ERCC1: variants seen among roughly 807,000 people sequenced by gnomAD.
ERCC1 encodes the protein ERCC excision repair 1, endonuclease non-catalytic subunit.
In ERCC1, 36 loss-of-function variants were observed where a neutral mutation model predicts 37.6. That is an observed-to-expected ratio of 0.96 (90% CI 0.73 to 1.26). ERCC1 has a LOEUF of 1.26. ERCC1 is among the 50% of genes most tolerant of loss of function. The pLI is 0.00. For synonymous variants in ERCC1, 156 were observed against 162.1 expected, an observed-to-expected ratio of 0.96 and a Z score of 0.28; for missense variants, 349 against 376.5, an observed-to-expected ratio of 0.93 and a Z score of 0.60.
chr19:45,432,996 C>A (rs1399786858), intron 1 of ERCC1, among the ~76,000 whole-genome samples: 1 of 152,250 alleles, frequency 6.6e-6, no homozygotes, highest in Non-Finnish European at 1.5e-5. Flanking sequence ...AGGAGAATCG[C>A]TTGAACCTGG....
At chr19:45,443,345 TGAATC>T (rs1173583049) in intron 1 of ERCC1, among the ~76,000 whole-genome samples, 1 of 152,154 alleles carries the variant, frequency 6.6e-6, no homozygotes, top group Non-Finnish European at 1.5e-5. Context: ...ACTGAATGAA[TGAATC>T]GAATGAAAAG....
At chr19:45,413,016 C>T (rs1416308688) in intron 9 of ERCC1, among the ~76,000 whole-genome samples, 2 of 152,152 alleles carry the variant, frequency 1.3e-5, no homozygotes, top group East Asian at 1.9e-4. Context: ...GCTGGGATTA[C>T]AGGCCCAAGC....
At chr19:45,439,625 A>G (rs527276359) in intron 1 of ERCC1, among the ~76,000 whole-genome samples, 1 of 152,250 alleles carries the variant, frequency 6.6e-6, no homozygotes, top group East Asian at 1.9e-4. Flanking sequence ...TGCGGGGGCC[A>G]CCAGGGGGCG....
chr19:45,433,369 T>TACACGCAC (rs1568596534), intron 1 of ERCC1, among the ~76,000 whole-genome samples: 1 of 151,438 alleles, frequency 6.6e-6, no homozygotes, highest in Admixed American at 6.6e-5. Context: ...CTACTAAAAA[T>TACACGCAC]ACAAAAATTA....
chr19:45,447,400 T>C (rs1966981674), intron 1 of ERCC1, among the ~76,000 whole-genome samples: 1 of 150,368 alleles, frequency 6.7e-6, no homozygotes, highest in Non-Finnish European at 1.5e-5. Flanking sequence ...CTCAGCCTCC[T>C]GAGTAGCTGG....
rs766585705 is a variant in ERCC1 at position 45,409,503 on chromosome 19, C to T, written c.*172G>A. 6.2e-7 allele frequency: 1 copy of T among 1,602,498 alleles called. No individual in the cohort carries two copies. The highest frequency in any genetic ancestry group is 1.7e-5 in the Admixed American group (1 of 57,540). On this transcript the variant is annotated 3_prime_UTR_variant, in exon 10 of 10. Coordinates refer to ENST00000300853, the MANE Select transcript of ERCC1 (RefSeq NM_001983.4). Reference sequence around the variant, plus strand: ...CAGCAGCAGCAGCAGCCTGTGTAGTCTGCCCCCGGGAAACTGAGGAACTAA... The same window carrying T: ...CAGCAGCAGCAGCAGCCTGTGTAGTTTGCCCCCGGGAAACTGAGGAACTAA...
At chr19:45,419,064 C>T (rs1219022367) in intron 5 of ERCC1, 34 bp downstream of exon 5, 4 of 1,438,430 alleles carry the variant, frequency 2.8e-6, no homozygotes, top group African/African-American at 1.4e-5. Context: ...CCTCAAAGCC[C>T]GGTGAGGCTG....
chr19:45,439,740 C>G (rs1394723810), intron 1 of ERCC1, among the ~76,000 whole-genome samples: 1 of 151,974 alleles, frequency 6.6e-6, no homozygotes, highest in Non-Finnish European at 1.5e-5. Context: ...CGCCCGGGAG[C>G]CCGGGAGGCG....
intron 6 of ERCC1, chr19:45,415,868 G>A (rs756170481): frequency 1.1e-5 from 5 of 446,628 alleles, no homozygotes; most frequent in South Asian, 7.8e-5. Context: ...AGGCATAGTG[G>A]CTCATGCTTG....
upstream of ERCC1, among the ~76,000 whole-genome samples, chr19:45,427,478 G>A (rs1191262523): frequency 6.6e-6 from 1 of 152,058 alleles, no homozygotes; most frequent in East Asian, 1.9e-4. Context: ...AGCCGGGCGT[G>A]GTGGCGGACG....
intron 2 of ERCC1, 123 bp downstream of exon 2, chr19:45,423,147 T>G: frequency 1.1e-6 from 1 of 918,076 alleles, no homozygotes. Context: ...CAAGGACTGT[T>G]TCCCCAAGTC....
intron 1 of ERCC1, among the ~76,000 whole-genome samples, chr19:45,442,333 AAAG>A (rs201572788): frequency 6.1e-4 from 88 of 144,738 alleles, no homozygotes; most frequent in Middle Eastern, 3.5e-3. Flanking sequence ...AAAAAAAGAA[AAAG>A]AAAAAAAGTT....
At chr19:45,438,320 G>A (rs1183194193) in intron 1 of ERCC1, among the ~76,000 whole-genome samples, 2 of 151,964 alleles carry the variant, frequency 1.3e-5, no homozygotes, top group Non-Finnish European at 2.9e-5. Flanking sequence ...CTCCTGCTTC[G>A]GCCTCCCAAA....
At chr19:45,423,231 C>T (rs747541209) in intron 2 of ERCC1, 39 bp downstream of exon 2, 3 of 1,578,700 alleles carry the variant, frequency 1.9e-6, no homozygotes, top group East Asian at 2.3e-5. Context: ...GTCCTAACAG[C>T]CCCCAGCCTC....
chr19:45,411,886 TCA>T (rs1337672180), intron 9 of ERCC1, among the ~76,000 whole-genome samples: 11 of 151,768 alleles, frequency 7.2e-5, no homozygotes, highest in Non-Finnish European at 7.4e-5. Context: ...AGATGGAGTC[TCA>T]CTCTGTCACC....
At position 45,416,637 on chromosome 19, in the gene ERCC1, CAA is replaced by C. The variant is rs376893204; in HGVS notation, c.602+182_602+183del. Reference sequence around the variant, plus strand: ...TAGGGGACAGAGTGAGGCTCTGTATCAAAAAAAAAAAAAAAAAAATTAAGACC... The same window carrying C: ...TAGGGGACAGAGTGAGGCTCTGTATCAAAAAAAAAAAAAAAAATTAAGACC... On this transcript the variant is annotated intron_variant, in intron 6 of 9. Coordinates refer to ENST00000300853, the MANE Select transcript of ERCC1 (RefSeq NM_001983.4). 0.073 allele frequency: 33,303 copies of C among 457,884 alleles called. 59 individuals are homozygous for C. The highest frequency in any genetic ancestry group is 0.11 in the East Asian group (3,046 of 27,744). 28.4% of individuals were successfully genotyped at this position (457,884 alleles called of 1,614,324 possible).
At chr19:45,432,811 A>G (rs1039018042) in intron 1 of ERCC1, among the ~76,000 whole-genome samples, 1 of 152,332 alleles carries the variant, frequency 6.6e-6, no homozygotes, top group Middle Eastern at 3.4e-3. Flanking sequence ...TCACGCCTGT[A>G]TTCCCAGCAC....
intron 4 of ERCC1, chr19:45,419,424 C>A: frequency 1.9e-6 from 1 of 535,710 alleles, no homozygotes; most frequent in Non-Finnish European, 3.4e-6. Context: ...GAAGACCAGA[C>A]CCCTGGCTTC....
At chr19:45,411,343 CT>C (rs57487638) in intron 9 of ERCC1, among the ~76,000 whole-genome samples, 85,284 of 152,016 alleles carry the variant, frequency 0.56, 27,533 homozygotes, top group African/African-American at 0.88. Context: ...GGAACCTCAA[CT>C]TTTCAGTTTT....
Sources: allele counts gnomAD v4.1 joint callset (sites outside exome capture counted in the v4.1 genomes callset), GRCh38; gene constraint gnomAD v4.1.1; transcripts MANE v1.5; gene names NCBI Gene and HGNC (gene_info 2026-07-23, HGNC 2026-07-21).